The following TEK variants were observed in gnomAD, a reference collection of about 807,000 sequenced individuals.
The protein encoded by TEK is angiopoietin-1 receptor.
TEK carries 43 observed loss-of-function variants against 131.8 expected under a neutral mutation model. The ratio of observed to expected loss-of-function variants is 0.33; its 90% CI spans 0.26 to 0.42. TEK has a LOEUF of 0.42. Among genes scored for constraint, TEK ranks in the 10% least tolerant of loss-of-function variants. The probability of loss-of-function intolerance (pLI) is 1.00; values close to 1 mark genes in which losing one functional copy is unlikely to be tolerated. For missense variants in TEK, 1,162 were observed against 1,384.4 expected, an observed-to-expected ratio of 0.84 and a Z score of 2.55; for synonymous variants, 580 against 491.6, an observed-to-expected ratio of 1.18 and a Z score of -2.38.
intron 1 of TEK, among the ~76,000 whole-genome samples, chr9:27,154,136 T>C (rs897904387): frequency 6.6e-6 from 1 of 152,182 alleles, no homozygotes; most frequent in African/African-American, 2.4e-5. Flanking sequence ...GCCATTTTTT[T>C]CTCTCTCTCT....
At chr9:27,138,211 T>A (rs551513074) in intron 1 of TEK, among the ~76,000 whole-genome samples, 1 of 152,330 alleles carries the variant, frequency 6.6e-6, no homozygotes, top group African/African-American at 2.4e-5. Flanking sequence ...GAACAAAGAT[T>A]CCACAGTGTG....
At chr9:27,150,490 A>T (rs1330422399) in intron 1 of TEK, among the ~76,000 whole-genome samples, 1 of 152,082 alleles carries the variant, frequency 6.6e-6, no homozygotes, top group Non-Finnish European at 1.5e-5. Context: ...GCATGCCTGT[A>T]GTTCTGGCTA....
Position 27,145,774 on chromosome 9 carries a change from G to A in TEK, c.53-12057G>A, listed in dbSNP as rs1363423287. On this transcript the variant is annotated intron_variant, in intron 1 of 22. Transcript: ENST00000380036. ...CTGTCAAACACAGTGCTTGGTGCTG[G>A]GGCGTTGAAGACAGAAAGCTCATTG... 3.3e-5 allele frequency among the ~76,000 whole-genome samples: 5 copies of A among 152,274 alleles called. No homozygotes were observed. The South Asian group carries it at 8.3e-4, about 25-fold the overall frequency.
At chr9:27,198,959 G>A (rs1199968236) in intron 12 of TEK, among the ~76,000 whole-genome samples, 1 of 151,832 alleles carries the variant, frequency 6.6e-6, no homozygotes, top group Non-Finnish European at 1.5e-5. Context: ...CACCACACCT[G>A]ACTTTTTTTA....
chr9:27,170,268 C>G (rs573377130), intron 4 of TEK, among the ~76,000 whole-genome samples: 1 of 152,200 alleles, frequency 6.6e-6, no homozygotes, highest in South Asian at 2.1e-4. Context: ...AACTACAATT[C>G]AAGATGAGAT....
At chr9:27,220,896 T>A (rs920071972) in intron 21 of TEK, among the ~76,000 whole-genome samples, 2 of 152,192 alleles carry the variant, frequency 1.3e-5, no homozygotes, top group Non-Finnish European at 2.9e-5. Context: ...TTTCTTTTCA[T>A]ACCCCAGTGG....
chr9:27,184,279 AT>A (rs1313764024), intron 8 of TEK, among the ~76,000 whole-genome samples: 1 of 152,232 alleles, frequency 6.6e-6, no homozygotes, highest in Non-Finnish European at 1.5e-5. Context: ...CTTTTCGAAC[AT>A]GCTTTCCTTC....
intron 11 of TEK, among the ~76,000 whole-genome samples, chr9:27,194,911 T>G (rs1370711582): frequency 2.0e-5 from 3 of 152,026 alleles, no homozygotes. Flanking sequence ...CTGAACATAG[T>G]GCAGAAAGGG....
chr9:27,153,230 C>T (rs1430070634), intron 1 of TEK, among the ~76,000 whole-genome samples: 3 of 152,210 alleles, frequency 2.0e-5, no homozygotes, highest in East Asian at 1.9e-4. Context: ...GGGTGGATCA[C>T]GACGTCAGGA....
chr9:27,155,372 G>A (rs1823293783), intron 1 of TEK, among the ~76,000 whole-genome samples: 1 of 152,200 alleles, frequency 6.6e-6, no homozygotes, highest in African/African-American at 2.4e-5. Context: ...GATGCTTCAA[G>A]GCCAGGCTTG....
At chr9:27,205,935 G>A (rs973377625) in intron 14 of TEK, among the ~76,000 whole-genome samples, 37 of 151,272 alleles carry the variant, frequency 2.4e-4, no homozygotes, top group African/African-American at 8.7e-4. Flanking sequence ...TCAGGCTGTC[G>A]CTGGAGAAGA....
At position 27,213,594 on chromosome 9, in the gene TEK, A is replaced by G. The variant is rs1217827568; in HGVS notation, c.2988A>G (p.Thr996=). ...GTCAAGAGGTGTATGTGAAAAAGAC[A>G]ATGGTAAGTGCCAGACACAGACACT... The part of the protein sequence containing the change: ...SRGQEVYVKK[T]MGRLPVRWMA... Residue 996 remains threonine, a synonymous_variant, in exon 18 of 23, where the codon ACA becomes ACG. Transcript: ENST00000380036. 1 of 1,609,726 alleles carries G rather than the reference A, an allele frequency of 6.2e-7. No individual in the cohort carries two copies. The highest frequency in any genetic ancestry group is 8.5e-7 in the Non-Finnish European group (1 of 1,176,100).
intron 1 of TEK, among the ~76,000 whole-genome samples, chr9:27,122,897 C>G (rs1178430523): frequency 6.6e-6 from 1 of 151,144 alleles, no homozygotes; most frequent in Non-Finnish European, 1.5e-5. Flanking sequence ...ACTAAAAATA[C>G]AAAAAATTAG....
chr9:27,159,334 G>C (rs1051172365), intron 2 of TEK, among the ~76,000 whole-genome samples: 2 of 152,148 alleles, frequency 1.3e-5, no homozygotes, highest in South Asian at 4.1e-4. Context: ...GCTCAGAATT[G>C]TACACTATCA....
At chr9:27,139,862 G>T (rs1020846690) in intron 1 of TEK, among the ~76,000 whole-genome samples, 2 of 152,112 alleles carry the variant, frequency 1.3e-5, no homozygotes, top group Non-Finnish European at 2.9e-5. Context: ...ATACTAGTTT[G>T]TCTGTATTAG....
At chr9:27,229,040 C>G in intron 22 of TEK, 118 bp from the exon 23 acceptor site, 1 of 844,540 alleles carries the variant, frequency 1.2e-6, no homozygotes, top group Non-Finnish European at 2.1e-6. Flanking sequence ...AAAGTATCCC[C>G]CAAGTGCTTA....
chr9:27,223,433 C>T (rs1296335019), intron 21 of TEK, among the ~76,000 whole-genome samples: 1 of 152,172 alleles, frequency 6.6e-6, no homozygotes, highest in Non-Finnish European at 1.5e-5. Context: ...GACCACAGTG[C>T]AATCAAAGTA....
intron 6 of TEK, among the ~76,000 whole-genome samples, chr9:27,174,953 C>T (rs1225550380): frequency 7.5e-6 from 1 of 133,088 alleles, no homozygotes; most frequent in Non-Finnish European, 1.6e-5. Flanking sequence ...TCTCTGGGCC[C>T]AGGTTTTTTT....
intron 6 of TEK, among the ~76,000 whole-genome samples, chr9:27,178,737 C>G (rs1441863682): frequency 6.6e-6 from 1 of 152,132 alleles, no homozygotes; most frequent in Non-Finnish European, 1.5e-5. Flanking sequence ...GTACCAAATT[C>G]TAAGAATTGT....
Sources: gnomAD v4.1 joint callset for allele counts (sites outside exome capture counted in the v4.1 genomes callset) on GRCh38, gnomAD v4.1.1 for gene constraint, MANE v1.5 for transcripts, NCBI Gene and HGNC (gene_info 2026-07-23, HGNC 2026-07-21) for gene names.